PDE3B: variants seen among roughly 807,000 people sequenced by gnomAD.
The protein encoded by PDE3B is cGMP-inhibited 3',5'-cyclic phosphodiesterase 3B.
In PDE3B, 66 loss-of-function variants were observed where a neutral mutation model predicts 116.8. That is an observed-to-expected ratio of 0.56 (90% CI 0.46 to 0.69). The LOEUF (loss-of-function observed/expected upper bound fraction) is 0.69, where lower values mean the gene tolerates loss of function less well. Ranked by LOEUF, PDE3B falls within the 30% of genes least tolerant of loss-of-function variation. PDE3B has a pLI of 0.00. For missense variants in PDE3B, 1,384 were observed against 1,368.1 expected (o/e 1.01, Z -0.18); for synonymous variants, 595 against 533.6 (o/e 1.12, Z -1.59).
the PDE3B span, among the ~76,000 whole-genome samples, chr11:14,889,219 C>A: frequency 3.5e-5 from 5 of 143,296 alleles, no homozygotes; most frequent in African/African-American, 1.3e-4. Flanking sequence ...CAGTGGAAAA[C>A]TAAGATTTTA....
intron 1 of PDE3B, among the ~76,000 whole-genome samples, chr11:14,724,727 G>A (rs1268955402): frequency 6.6e-6 from 1 of 152,206 alleles, no homozygotes; most frequent in East Asian, 1.9e-4. Context: ...GGTAATTGAT[G>A]TAATGGTTAA....
intron 14 of PDE3B, among the ~76,000 whole-genome samples, chr11:14,864,039 G>T (rs1347616497): frequency 2.0e-5 from 3 of 152,156 alleles, no homozygotes; most frequent in Non-Finnish European, 4.4e-5. Flanking sequence ...AGACCCATCA[G>T]TGTGCTGTAT....
intron 10 of PDE3B, among the ~76,000 whole-genome samples, 153 bp downstream of exon 10, chr11:14,832,986 T>G (rs1304205437): frequency 3.9e-5 from 6 of 152,062 alleles, no homozygotes; most frequent in Non-Finnish European, 8.8e-5. Context: ...GTCTTGATCT[T>G]GTCGTCCAGG....
chr11:14,837,986 A>T (rs896698183), intron 11 of PDE3B, among the ~76,000 whole-genome samples: 28 of 148,160 alleles, frequency 1.9e-4, no homozygotes, highest in African/African-American at 5.4e-4. Context: ...ATTTTATTTT[A>T]TTTTTTTTTT....
At chr11:14,710,881 G>A (rs1209835939) in intron 1 of PDE3B, among the ~76,000 whole-genome samples, 1 of 152,208 alleles carries the variant, frequency 6.6e-6, no homozygotes, top group Non-Finnish European at 1.5e-5. Context: ...CACTTGCAGT[G>A]AAGAGTTCTG....
intron 1 of PDE3B, among the ~76,000 whole-genome samples, chr11:14,666,854 A>G (rs1854170123): frequency 6.6e-6 from 1 of 152,244 alleles, no homozygotes; most frequent in South Asian, 2.1e-4. Context: ...AACTAGTTCG[A>G]CCATTGTGGA....
chr11:14,691,020 A>G (rs1479988841), intron 1 of PDE3B, among the ~76,000 whole-genome samples: 1 of 152,188 alleles, frequency 6.6e-6, no homozygotes, highest in East Asian at 1.9e-4. Flanking sequence ...ATTAAAGGCA[A>G]TAGCAAGAGA....
chr11:14,898,945 A>G, the PDE3B span, among the ~76,000 whole-genome samples: 1 of 152,076 alleles, frequency 6.6e-6, no homozygotes, highest in South Asian at 2.1e-4. Context: ...ATTGCTTAAG[A>G]TGTCTTTCAG....
chr11:14,747,247 T>A (rs1213609388), intron 1 of PDE3B, among the ~76,000 whole-genome samples: 4 of 152,174 alleles, frequency 2.6e-5, no homozygotes, highest in Non-Finnish European at 5.9e-5. Flanking sequence ...CACCTTCAAC[T>A]TTGGGAATCA....
chr11:14,833,619 ATATAT>A (rs1162205944), intron 10 of PDE3B, among the ~76,000 whole-genome samples: 4 of 152,166 alleles, frequency 2.6e-5, no homozygotes, highest in Non-Finnish European at 4.4e-5. Context: ...AATGGCTATT[ATATAT>A]TATGTTTGAA....
At chr11:14,768,036 A>C (rs1475576195) in intron 1 of PDE3B, among the ~76,000 whole-genome samples, 1 of 151,312 alleles carries the variant, frequency 6.6e-6, no homozygotes, top group East Asian at 1.9e-4. Flanking sequence ...GATCATTCCT[A>C]TCAAGTACAA....
Position 14,830,773 on chromosome 11 carries a change from AAGAC to A in PDE3B, c.1886_1889del (p.Asp629AlafsTer12). Reference sequence around the variant, plus strand: ...CAACAAGAAGAGGAAACAGAGAAGAAAGACAGCAGAAAATTATTTCAGGAAGGTG... The same window carrying A: ...CAACAAGAAGAGGAAACAGAGAAGAAAGCAGAAAATTATTTCAGGAAGGTG... On this transcript the variant is annotated frameshift_variant, in exon 8 of 16. Coordinates refer to ENST00000282096, the MANE Select transcript of PDE3B (RefSeq NM_000922.4). LOFTEE classifies it high-confidence loss of function. 3 of 1,546,722 alleles carry A rather than the reference AAGAC, an allele frequency of 1.9e-6. No individual in the cohort carries two copies. Among genetic ancestry groups the A allele is most frequent in the Non-Finnish European group, 2.6e-6 (3 of 1,151,966 alleles).
At chr11:14,702,349 C>G (rs1398215707) in intron 1 of PDE3B, among the ~76,000 whole-genome samples, 1 of 151,740 alleles carries the variant, frequency 6.6e-6, no homozygotes, top group Non-Finnish European at 1.5e-5. Flanking sequence ...TCTTTTGGCA[C>G]ATTTTGGTCT....
chr11:14,775,385 G>A (rs1857756510), intron 2 of PDE3B: 1 of 151,856 alleles, frequency 6.6e-6, no homozygotes, highest in South Asian at 2.1e-4. Flanking sequence ...ATACATTTTT[G>A]TTTTGTTTTA....
intron 5 of PDE3B, among the ~76,000 whole-genome samples, chr11:14,811,542 A>C (rs1224005165): frequency 6.6e-6 from 1 of 152,188 alleles, no homozygotes. Context: ...TGGTTACTGT[A>C]GCCTTGTAGT....
intron 1 of PDE3B, among the ~76,000 whole-genome samples, chr11:14,725,321 TTC>T (rs1856263516): frequency 6.6e-6 from 1 of 151,000 alleles, no homozygotes; most frequent in African/African-American, 2.4e-5. Context: ...CTTTCTTTCT[TTC>T]TTTCTTTTTC....
chr11:14,721,089 A>G (rs1182768680), intron 1 of PDE3B, among the ~76,000 whole-genome samples: 2 of 146,866 alleles, frequency 1.4e-5, no homozygotes, highest in Non-Finnish European at 3.0e-5. Context: ...AAAAAAACAA[A>G]CAACCCCATC....
intron 1 of PDE3B, among the ~76,000 whole-genome samples, chr11:14,759,337 AG>A (rs1359258106): frequency 1.3e-5 from 2 of 152,138 alleles, no homozygotes; most frequent in Non-Finnish European, 2.9e-5. Flanking sequence ...TAGTTTCAGA[AG>A]GAATGGTACC....
intron 12 of PDE3B, among the ~76,000 whole-genome samples, chr11:14,844,594 G>T (rs1847549750): frequency 6.6e-6 from 1 of 152,230 alleles, no homozygotes; most frequent in Non-Finnish European, 1.5e-5. Flanking sequence ...AAAGAAAGGG[G>T]TGACAGACAG....
Sources: allele counts gnomAD v4.1 joint callset (sites outside exome capture counted in the v4.1 genomes callset), GRCh38; gene constraint gnomAD v4.1.1; transcripts MANE v1.5; gene names NCBI Gene and HGNC (gene_info 2026-07-23, HGNC 2026-07-21).